The following FAM20C variants were observed in gnomAD, a reference collection of about 807,000 sequenced individuals.
FAM20C encodes FAM20C golgi associated secretory pathway kinase, also known as extracellular serine/threonine protein kinase FAM20C.
A neutral mutation model predicts 51.5 loss-of-function variants in FAM20C; 40 were observed. The observed-to-expected ratio is 0.78, with a 90% CI of 0.60 to 1.01. FAM20C has a LOEUF of 1.01. Ranked by LOEUF, FAM20C falls within the 50% of genes least tolerant of loss-of-function variation. The probability of loss-of-function intolerance (pLI) is 0.00; values close to 1 mark genes in which losing one functional copy is unlikely to be tolerated. For synonymous variants in FAM20C, 406 were observed against 380.6 expected, an observed-to-expected ratio of 1.07 and a Z score of -0.78; for missense variants, 861 against 844.7, an observed-to-expected ratio of 1.02 and a Z score of -0.24.
intron 3 of FAM20C, among the ~76,000 whole-genome samples, chr7:215,266 G>A (rs1583299162): frequency 9.3e-6 from 1 of 107,666 alleles, no homozygotes; most frequent in Non-Finnish European, 2.0e-5. Context: ...TGGAGAGGAT[G>A]GAGCTGGGTG....
At chr7:236,211 CG>C (rs1787844022) in intron 3 of FAM20C, among the ~76,000 whole-genome samples, 296 of 98,862 alleles carry the variant, frequency 3.0e-3, no homozygotes, top group Non-Finnish European at 4.2e-3. Context: ...GGCTCCTGGC[CG>C]AGGTGAGAGG....
At chr7:258,062 C>A (rs1402406461) in intron 8 of FAM20C, among the ~76,000 whole-genome samples, 2 of 112,534 alleles carry the variant, frequency 1.8e-5, no homozygotes, top group African/African-American at 2.9e-5. Flanking sequence ...CAGTGTGGAC[C>A]CACTGCCTGG....
At chr7:205,627 C>T (rs186794066) in intron 2 of FAM20C, among the ~76,000 whole-genome samples, 9 of 152,268 alleles carry the variant, frequency 5.9e-5, no homozygotes, top group Admixed American at 2.6e-4. Flanking sequence ...GCCCTGAGGT[C>T]GCGTCGGAGC....
intron 3 of FAM20C, among the ~76,000 whole-genome samples, chr7:230,377 G>GA (rs199801787): frequency 3.8e-5 from 4 of 106,216 alleles, no homozygotes; most frequent in East Asian, 3.2e-4. Context: ...CGGGGTGGGG[G>GA]GGGGGGGGAA....
chr7:202,367 C>T (rs1456104561), intron 2 of FAM20C, among the ~76,000 whole-genome samples: 2 of 144,570 alleles, frequency 1.4e-5, no homozygotes, highest in African/African-American at 5.2e-5. Flanking sequence ...TGAGATTGCA[C>T]TGGGGAATGG....
Position 259,780 on chromosome 7 carries a change from T to C in FAM20C, c.1555T>C (p.Tyr519His), listed in dbSNP as rs1562403147. ...LRLQLLAKEE[Y>H]KLSLLMAESL... ...TCTGCAGCTCCTGGCCAAGGAGGAG[T>C]ACAAGCTGAGCCTGCTGATGGCCGA... The change falls in exon 10 of 10, where the codon TAC (tyrosine) becomes CAC (histidine). Residue 519 changes from tyrosine (Y) to histidine (H), a missense_variant. Physicochemically the swap from Tyr to His is moderately conservative, Grantham distance 83. Coordinates refer to ENST00000313766, the MANE Select transcript of FAM20C (RefSeq NM_020223.4). The C allele has an allele frequency of 2.0e-6, 3 of 1,536,262 alleles. No individual in the cohort carries two copies. Among genetic ancestry groups the C allele is most frequent in the Non-Finnish European group, 2.6e-6 (3 of 1,146,696 alleles).
At chr7:193,993 G>A in intron 1 of FAM20C, 189 bp downstream of exon 1, 2 of 946,730 alleles carry the variant, frequency 2.1e-6, no homozygotes, top group South Asian at 5.0e-5. Flanking sequence ...TCCTTGGGAG[G>A]GGCTGCCGGC....
intron 5 of FAM20C, among the ~76,000 whole-genome samples, chr7:253,277 G>C (rs1039778432): frequency 1.3e-5 from 2 of 152,174 alleles, no homozygotes; most frequent in Admixed American, 1.3e-4. Context: ...CTTGCAAAAC[G>C]CTCCTCCTGC....
intron 2 of FAM20C, among the ~76,000 whole-genome samples, chr7:206,530 C>G (rs1786396679): frequency 6.7e-6 from 1 of 150,154 alleles, no homozygotes; most frequent in Non-Finnish European, 1.5e-5. Context: ...ATGGTCCCCT[C>G]GGCCCTGCAC....
intron 3 of FAM20C, among the ~76,000 whole-genome samples, chr7:235,633 C>T (rs1325181248): frequency 6.6e-6 from 1 of 152,252 alleles, no homozygotes; most frequent in African/African-American, 2.4e-5. Context: ...TGAGTGGCAG[C>T]GCCGTCTCCT....
chr7:203,734 C>T (rs929261974), intron 2 of FAM20C, among the ~76,000 whole-genome samples: 3 of 152,172 alleles, frequency 2.0e-5, no homozygotes, highest in Admixed American at 6.5e-5. Context: ...CACAGCTGAG[C>T]ACAGGGGCCA....
chr7:223,217 A>G (rs1787319266), intron 3 of FAM20C, among the ~76,000 whole-genome samples: 1 of 152,102 alleles, frequency 6.6e-6, no homozygotes, highest in African/African-American at 2.4e-5. Flanking sequence ...CCAAAGCCTG[A>G]AGTGTGGGCG....
At chr7:236,106 C>T (rs1787839713) in intron 3 of FAM20C, among the ~76,000 whole-genome samples, 1 of 152,224 alleles carries the variant, frequency 6.6e-6, no homozygotes, top group Admixed American at 6.5e-5. Flanking sequence ...TCGTCCCCTT[C>T]CGTGCAGAGG....
At chr7:220,681 G>A (rs1787221749) in intron 3 of FAM20C, among the ~76,000 whole-genome samples, 1 of 152,138 alleles carries the variant, frequency 6.6e-6, no homozygotes, top group Non-Finnish European at 1.5e-5. Context: ...TTCCTGCAAG[G>A]GCCTGTGCTG....
At chr7:212,330 G>T (rs890523590) in intron 3 of FAM20C, among the ~76,000 whole-genome samples, 1 of 152,200 alleles carries the variant, frequency 6.6e-6, no homozygotes, top group African/African-American at 2.4e-5. Context: ...GGGTGTGGTG[G>T]TTTGTGCCTG....
At chr7:227,386 C>T (rs1021696199) in intron 3 of FAM20C, among the ~76,000 whole-genome samples, 1 of 151,992 alleles carries the variant, frequency 6.6e-6, no homozygotes, top group African/African-American at 2.4e-5. Flanking sequence ...AAGGAAACTG[C>T]AGATTTAAGA....
intron 3 of FAM20C, among the ~76,000 whole-genome samples, chr7:231,211 G>A (rs1787660278): frequency 6.6e-6 from 1 of 152,194 alleles, no homozygotes; most frequent in South Asian, 2.1e-4. Flanking sequence ...GGTGCGCTGG[G>A]GGGTCTGTTC....
intron 8 of FAM20C, among the ~76,000 whole-genome samples, chr7:257,798 G>C (rs1352872165): frequency 1.9e-4 from 23 of 121,658 alleles, no homozygotes; most frequent in Non-Finnish European, 2.6e-4. Context: ...CTGGAGATGG[G>C]CTGGGTGGAC....
At chr7:201,628 A>G (rs903002976) in intron 2 of FAM20C, among the ~76,000 whole-genome samples, 1 of 152,218 alleles carries the variant, frequency 6.6e-6, no homozygotes, top group East Asian at 1.9e-4. Context: ...TGGCTTGCCT[A>G]AGGCCACACC....
Sources: gnomAD v4.1 joint callset for allele counts (sites outside exome capture counted in the v4.1 genomes callset) on GRCh38, gnomAD v4.1.1 for gene constraint, MANE v1.5 for transcripts, NCBI Gene and HGNC (gene_info 2026-07-23, HGNC 2026-07-21) for gene names.